GALNT2: variants seen among roughly 807,000 people sequenced by gnomAD.
GALNT2 encodes the protein polypeptide N-acetylgalactosaminyltransferase 2.
A neutral mutation model predicts 81.4 loss-of-function variants in GALNT2; 31 were observed. The observed-to-expected ratio is 0.38, with a 90% CI of 0.29 to 0.51. GALNT2 has a LOEUF of 0.51. GALNT2 is among the 20% of genes least tolerant of loss of function. The pLI is 0.87. For synonymous variants in GALNT2, 303 were observed against 287.4 expected, an observed-to-expected ratio of 1.05 and a Z score of -0.55; for missense variants, 629 against 765.7, an observed-to-expected ratio of 0.82 and a Z score of 2.11.
At chr1:230,135,877 A>G (rs1661522615) in intron 1 of GALNT2, among the ~76,000 whole-genome samples, 1 of 150,600 alleles carries the variant, frequency 6.6e-6, no homozygotes. Context: ...TTTTTTTTAT[A>G]GATGGGGGTC....
intron 1 of GALNT2, among the ~76,000 whole-genome samples, chr1:230,122,549 C>T (rs1339657661): frequency 6.6e-6 from 1 of 152,008 alleles, no homozygotes; most frequent in Non-Finnish European, 1.5e-5. Context: ...CAAAATTTTC[C>T]CCCCAGGGAT....
intron 1 of GALNT2, among the ~76,000 whole-genome samples, chr1:230,100,559 C>T (rs559801213): frequency 6.6e-6 from 1 of 152,354 alleles, no homozygotes; most frequent in East Asian, 1.9e-4. Flanking sequence ...CTCGCCACCT[C>T]AGGCGATCTG....
chr1:230,060,548 T>C (rs1051847204), intron 1 of GALNT2, among the ~76,000 whole-genome samples: 2 of 151,826 alleles, frequency 1.3e-5, no homozygotes, highest in Non-Finnish European at 2.9e-5. Flanking sequence ...CACCCAGCAG[T>C]GAATAATATG....
chr1:230,126,800 A>G (rs1661198312), intron 1 of GALNT2, among the ~76,000 whole-genome samples: 1 of 152,140 alleles, frequency 6.6e-6, no homozygotes, highest in East Asian at 1.9e-4. Flanking sequence ...CCACGTGCAC[A>G]CTTTGCTGAG....
chr1:230,060,593 C>A (rs3009713), intron 1 of GALNT2, among the ~76,000 whole-genome samples: 1,667 of 151,754 alleles, frequency 0.011, 30 homozygotes, highest in African/African-American at 0.039. Context: ...TGTTGAAAGA[C>A]ATTTGAAGAC....
intron 2 of GALNT2, among the ~76,000 whole-genome samples, chr1:230,195,698 C>A (rs1663671077): frequency 6.6e-6 from 1 of 152,164 alleles, no homozygotes; most frequent in Admixed American, 6.5e-5. Context: ...GAAGTATTAG[C>A]CAGGTTAGTG....
chr1:230,112,385 G>C lies in GALNT2; in HGVS notation c.126+44979G>C, dbSNP rs1024021616. ...CCTGCCTCCAGAGGCGCCGGGGGAG[G>C]GGGGGGGCCTGCATTTAGAGTGTGT... is the stretch of plus-strand genomic sequence containing the variant. On this transcript the variant is annotated intron_variant, in intron 1 of 15. Transcript: ENST00000366672. Among the ~76,000 whole-genome samples, 7 of 133,810 alleles carry C rather than the reference G, an allele frequency of 5.2e-5. No individual in the cohort carries two copies. The East Asian group carries it at 6.2e-4, about 12-fold the overall frequency. 87.8% of individuals were successfully genotyped at this position (133,810 alleles called of 152,430 possible).
Position 230,070,110 on chromosome 1 carries a change from A to C in GALNT2, c.126+2704A>C, listed in dbSNP as rs541516615. On this transcript the variant is annotated intron_variant, in intron 1 of 15. Coordinates refer to ENST00000366672, the MANE Select transcript of GALNT2 (RefSeq NM_004481.5). The surrounding 1 kb of genome is among the most constrained non-coding windows in gnomAD (Gnocchi z 4.7). ...TTGCAGGTTTAGTAAACTAAGCAGGAGGGAGTGCTGAAGACCAATCTCAGG... is the reference window on the plus strand; with the variant it reads ...TTGCAGGTTTAGTAAACTAAGCAGGCGGGAGTGCTGAAGACCAATCTCAGG... Among the ~76,000 whole-genome samples, 7 of 152,366 alleles carry C rather than the reference A, an allele frequency of 4.6e-5. No homozygotes were observed. In the East Asian group the frequency reaches 1.3e-3, roughly 29 times the overall value.
At chr1:230,078,912 C>T (rs1223246509) in intron 1 of GALNT2, among the ~76,000 whole-genome samples, 4 of 152,186 alleles carry the variant, frequency 2.6e-5, no homozygotes, top group Non-Finnish European at 4.4e-5. Flanking sequence ...TGGGCTCAGG[C>T]GATTCTCCAC....
intron 1 of GALNT2, among the ~76,000 whole-genome samples, chr1:230,069,981 C>T (rs536894954): frequency 6.6e-6 from 1 of 152,318 alleles, no homozygotes; most frequent in South Asian, 2.1e-4. Context: ...GCTGCTTCAG[C>T]AGCCCAGCCC....
At chr1:230,117,860 T>G (rs1024276981) in intron 1 of GALNT2, among the ~76,000 whole-genome samples, 2 of 152,224 alleles carry the variant, frequency 1.3e-5, no homozygotes, top group Non-Finnish European at 2.9e-5. Context: ...ACCTTCAGTT[T>G]GTAAAAAACA....
chr1:230,079,634 C>G (rs1232971027), intron 1 of GALNT2, among the ~76,000 whole-genome samples: 1 of 152,228 alleles, frequency 6.6e-6, no homozygotes, highest in Non-Finnish European at 1.5e-5. Flanking sequence ...TTGGAAGGTG[C>G]TGATTACTGG....
chr1:230,269,746 G>C (rs1351952041), intron 14 of GALNT2, among the ~76,000 whole-genome samples: 1 of 148,524 alleles, frequency 6.7e-6, no homozygotes, highest in Non-Finnish European at 1.5e-5. Context: ...AAAAAAAAAA[G>C]ATTAGCCAGT....
At chr1:230,146,477 T>C (rs1661919485) in intron 1 of GALNT2, among the ~76,000 whole-genome samples, 1 of 152,036 alleles carries the variant, frequency 6.6e-6, no homozygotes. Context: ...CCTCCCTTCC[T>C]GACCCGGTTG....
chr1:230,126,542 C>T (rs1661187609), intron 1 of GALNT2, among the ~76,000 whole-genome samples: 1 of 152,142 alleles, frequency 6.6e-6, no homozygotes, highest in Non-Finnish European at 1.5e-5. Flanking sequence ...GAGGCCCCCG[C>T]CTCCATCCTG....
chr1:230,238,427 A>T (rs756431046), intron 6 of GALNT2, among the ~76,000 whole-genome samples: 10 of 152,164 alleles, frequency 6.6e-5, no homozygotes, highest in Non-Finnish European at 1.3e-4. Flanking sequence ...GGGCAGCTGC[A>T]TTTTTAAAAG....
At chr1:230,153,310 G>T (rs75153388) in intron 1 of GALNT2, among the ~76,000 whole-genome samples, 127 of 152,314 alleles carry the variant, frequency 8.3e-4, no homozygotes, top group Non-Finnish European at 1.0e-3. Context: ...AAACTCAGAT[G>T]TCTGCTAATG....
upstream of GALNT2, among the ~76,000 whole-genome samples, chr1:230,063,865 C>A (rs924795630): frequency 1.3e-5 from 2 of 152,096 alleles, no homozygotes; most frequent in African/African-American, 4.8e-5. Context: ...ATTTGAAAAT[C>A]TTTTATTTTA....
At position 230,243,049 on chromosome 1, in the gene GALNT2, A is replaced by G. The variant is rs1006851236; in HGVS notation, c.608-257A>G. ...TTGATAAAGGAGACTTCAGTAATGT[A>G]AAGGGCCTTTCTCAGAAGACGGTAG... On this transcript the variant is annotated intron_variant, in intron 6 of 15. Transcript: ENST00000366672. The surrounding 1 kb of genome is among the most constrained non-coding windows in gnomAD (Gnocchi z 4.2). Among the ~76,000 whole-genome samples the G allele has an allele frequency of 1.3e-5, 2 of 152,228 alleles. No homozygotes were observed. Among genetic ancestry groups the G allele is most frequent in the African/African-American group, 4.8e-5 (2 of 41,466 alleles).
Sources: gnomAD v4.1 joint callset for allele counts (sites outside exome capture counted in the v4.1 genomes callset) on GRCh38, gnomAD v4.1.1 for gene constraint, Gnocchi (gnomAD v3.1) non-coding constraint, MANE v1.5 for transcripts, NCBI Gene and HGNC (gene_info 2026-07-23, HGNC 2026-07-21) for gene names.